ANKS6: variants seen among roughly 807,000 people sequenced by gnomAD.
ANKS6 encodes the protein ankyrin repeat and sterile alpha motif domain containing 6.
In ANKS6, 47 loss-of-function variants were observed where a neutral mutation model predicts 77.9. The observed-to-expected ratio is 0.60, with a 90% confidence interval of 0.48 to 0.77. ANKS6 has a LOEUF of 0.77. ANKS6 is among the 30% of genes least tolerant of loss of function. ANKS6 has a pLI of 0.00. For synonymous variants in ANKS6, 488 were observed against 501.7 expected (o/e 0.97, Z 0.37); for missense variants, 1,150 against 1,159.1 (o/e 0.99, Z 0.11).
At position 98,773,771 on chromosome 9, in the gene ANKS6, T is replaced by C. The variant is rs111860151; in HGVS notation, c.1821+106A>G. ...TCATCCATTCAAAAGAAAAAAAAAG[T>C]TGCAACCCCTCTGGATTCGTCGGTT... On this transcript the variant is annotated intron_variant, in intron 9 of 14. Coordinates refer to ENST00000353234, the MANE Select transcript of ANKS6 (RefSeq NM_173551.5). 29 of 1,065,256 alleles carry C rather than the reference T, an allele frequency of 2.7e-5. No individual in the cohort carries two copies. In the African/African-American group the frequency reaches 3.1e-4, roughly 11 times the overall value. The allele number at this position is 1,065,256 out of a possible 1,614,324, so 66.0% of individuals were successfully genotyped here. A position where few individuals can be genotyped will look rare whatever the true frequency, so the allele number is the denominator to read the frequency against.
At chr9:98,749,316 G>A (rs1832305406) in intron 13 of ANKS6, among the ~76,000 whole-genome samples, 1 of 152,154 alleles carries the variant, frequency 6.6e-6, no homozygotes, top group East Asian at 1.9e-4. Flanking sequence ...ACTGCCTCAG[G>A]CCCCAGCTCC....
At chr9:98,753,622 A>AG (rs1281690014) in intron 12 of ANKS6, among the ~76,000 whole-genome samples, 1 of 148,116 alleles carries the variant, frequency 6.8e-6, no homozygotes, top group African/African-American at 2.5e-5. Context: ...CCCTATCTCA[A>AG]AAAAAAAAAA....
At chr9:98,789,428 T>TAAAAAAAAA (rs11437180) in intron 2 of ANKS6, among the ~76,000 whole-genome samples, 1 of 129,994 alleles carries the variant, frequency 7.7e-6, no homozygotes, top group Non-Finnish European at 1.6e-5. Flanking sequence ...GGCAAGAAGT[T>TAAAAAAAAA]AAAAAAAAAA....
At chr9:98,789,024 A>G (rs1402076377) in intron 2 of ANKS6, among the ~76,000 whole-genome samples, 1 of 148,992 alleles carries the variant, frequency 6.7e-6, no homozygotes, top group East Asian at 2.0e-4. Flanking sequence ...TTCTGATTGG[A>G]TGGTGTATTT....
rs75690065 is a variant in ANKS6, at chr9:98,736,320, G to C, written c.*199C>G. On this transcript the variant is annotated 3_prime_UTR_variant, in exon 15 of 15. Transcript: ENST00000353234. Reference sequence around the variant, plus strand: ...GCACCCCCACTGGACTGTTACATGGGAATCTGTCTCTGTGTGTTGAAGTTT... The same window carrying C: ...GCACCCCCACTGGACTGTTACATGGCAATCTGTCTCTGTGTGTTGAAGTTT... 4 of 1,411,296 alleles carry C rather than the reference G, an allele frequency of 2.8e-6. No individual in the cohort carries two copies. Among genetic ancestry groups the C allele is most frequent in the Middle Eastern group, 2.6e-4 (1 of 3,832 alleles). The allele number at this position is 1,411,296 out of a possible 1,614,324, so 87.4% of individuals were successfully genotyped here. A position where few individuals can be genotyped will look rare whatever the true frequency, so the allele number is the denominator to read the frequency against.
intron 11 of ANKS6, among the ~76,000 whole-genome samples, chr9:98,760,863 TCA>T (rs1412825564): frequency 2.0e-5 from 3 of 152,246 alleles, no homozygotes; most frequent in Non-Finnish European, 4.4e-5. Context: ...ATGTAAAGGT[TCA>T]CAGATTTTTG....
chr9:98,772,856 C>A (rs887009270), intron 9 of ANKS6, among the ~76,000 whole-genome samples: 1 of 152,220 alleles, frequency 6.6e-6, no homozygotes, highest in Non-Finnish European at 1.5e-5. Flanking sequence ...CTCTGGCGCT[C>A]CCACACTCCT....
At chr9:98,741,692 C>T (rs1588319703) in intron 14 of ANKS6, among the ~76,000 whole-genome samples, 1 of 152,194 alleles carries the variant, frequency 6.6e-6, no homozygotes, top group East Asian at 1.9e-4. Flanking sequence ...AACTAACAAA[C>T]TAATGAGCAG....
chr9:98,767,752 A>T (rs1001314534), intron 11 of ANKS6, among the ~76,000 whole-genome samples: 4 of 152,264 alleles, frequency 2.6e-5, no homozygotes, highest in African/African-American at 9.6e-5. Context: ...TTGCTCCTCA[A>T]CTCATGCTCT....
intron 13 of ANKS6, among the ~76,000 whole-genome samples, chr9:98,747,285 A>G (rs1832190714): frequency 6.6e-6 from 1 of 152,132 alleles, no homozygotes; most frequent in Non-Finnish European, 1.5e-5. Context: ...TTTTCTTTAA[A>G]ACATTTGATT....
In ANKS6 at chr9:98,732,896, G is replaced by T. The variant is rs1261131063; in HGVS notation, c.*3623C>A. 1.8e-6 allele frequency: 2 copies of T among 1,109,414 alleles called. No individual in the cohort carries two copies. Among genetic ancestry groups the T allele is most frequent in the Non-Finnish European group, 2.2e-6 (2 of 906,736 alleles). 68.7% of individuals were successfully genotyped at this position (1,109,414 alleles called of 1,614,324 possible). A position where few individuals can be genotyped will look rare whatever the true frequency, so the allele number is the denominator to read the frequency against. ...TGACGATCTAGAACTTACACATTAC[G>T]TGCTGCCTTTGCACATGCCCCAGCT... On this transcript the variant is annotated 3_prime_UTR_variant, in exon 15 of 15. Transcript: ENST00000353234.
chr9:98,772,162 T>C (rs1172673268), intron 9 of ANKS6, among the ~76,000 whole-genome samples: 1 of 152,202 alleles, frequency 6.6e-6, no homozygotes, highest in African/African-American at 2.4e-5. Context: ...TTACCTAAGA[T>C]GTGCCCAAGT....
At chr9:98,769,293 C>A (rs1236324196) in intron 10 of ANKS6, among the ~76,000 whole-genome samples, 2 of 152,012 alleles carry the variant, frequency 1.3e-5, no homozygotes, top group Non-Finnish European at 2.9e-5. Flanking sequence ...TTCTGGAGGG[C>A]AAAACATATC....
Position 98,734,865 on chromosome 9 carries a change from C to G in ANKS6, c.*1654G>C. 1.0e-6 allele frequency: 1 copy of G among 985,462 alleles called. No homozygotes were observed. 61.0% of individuals were successfully genotyped at this position (985,462 alleles called of 1,614,324 possible). The stretch of plus-strand genomic sequence containing the variant: ...CTATCAGTAACAGCTAAATGAAACA[C>G]TTTGTCTTCAGTCCTGTGGAAAGTT... On this transcript the variant is annotated 3_prime_UTR_variant, in exon 15 of 15. Coordinates refer to ENST00000353234, the MANE Select transcript of ANKS6 (RefSeq NM_173551.5).
chr9:98,734,906 A>T lies in ANKS6; in HGVS notation c.*1613T>A. On this transcript the variant is annotated 3_prime_UTR_variant, in exon 15 of 15. Transcript: ENST00000353234. ...GTGGAAAGTTGGCTTCTGTGAGTGT[A>T]AGGCTGAGAGAATTTAAAGGAAAAA... is the stretch of plus-strand genomic sequence containing the variant. 3 of 985,474 alleles carry T rather than the reference A, an allele frequency of 3.0e-6. No homozygotes were observed. The highest frequency in any genetic ancestry group is 3.6e-6 in the Non-Finnish European group (3 of 829,960). 61.0% of individuals were successfully genotyped at this position (985,474 alleles called of 1,614,324 possible).
intron 10 of ANKS6, among the ~76,000 whole-genome samples, chr9:98,770,178 G>A (rs1833543354): frequency 6.6e-6 from 1 of 152,180 alleles, no homozygotes; most frequent in Non-Finnish European, 1.5e-5. Flanking sequence ...CATGAGATCT[G>A]ATGGTTTTAT....
At chr9:98,772,213 G>C (rs975033527) in intron 9 of ANKS6, among the ~76,000 whole-genome samples, 1 of 152,200 alleles carries the variant, frequency 6.6e-6, no homozygotes, top group African/African-American at 2.4e-5. Context: ...GATTATCCAG[G>C]TGGGCTCTAA....
Position 98,782,607 on chromosome 9 carries a change from AGCAAAGGCATGGCTTTGCTCCTGG to A in ANKS6, c.1113-58_1113-35del, listed in dbSNP as rs746341384. On this transcript the variant is annotated intron_variant, in intron 4 of 14. Coordinates refer to ENST00000353234, the MANE Select transcript of ANKS6 (RefSeq NM_173551.5). ...AAATGCTAGAGTTACATTCACTGAAAGCAAAGGCATGGCTTTGCTCCTGGGCAACAAAACCAACATTAACTACAA... is the reference window on the plus strand; with the variant it reads ...AAATGCTAGAGTTACATTCACTGAAAGCAACAAAACCAACATTAACTACAA... The A allele has an allele frequency of 1.3e-5, 20 of 1,569,320 alleles. No homozygotes were observed. In the Admixed American group the frequency reaches 2.2e-4, roughly 17 times the overall value.
Position 98,784,106 on chromosome 9 carries a change from T to A in ANKS6, c.959A>T (p.Asn320Ile). ...EIADEDPSHVNLVNGDGATPL... is the reference protein window; with the variant it reads ...EIADEDPSHVILVNGDGATPL... ...CGTCGCCCCGTCCCCATTGACCAAG[T>A]TCACGTGGCTGGGGTCTTCATCGGC... is the stretch of plus-strand genomic sequence containing the variant. Residue 320 changes from asparagine to isoleucine, a missense_variant, in exon 4 of 15, where the codon AAC becomes ATC. Transcript: ENST00000353234. 6.3e-7 allele frequency: 1 copy of A among 1,580,114 alleles called. No individual in the cohort carries two copies. Among genetic ancestry groups the A allele is most frequent in the Non-Finnish European group, 8.6e-7 (1 of 1,159,354 alleles).
Sources: gnomAD v4.1 joint callset for allele counts (sites outside exome capture counted in the v4.1 genomes callset) on GRCh38, gnomAD v4.1.1 for gene constraint, MANE v1.5 for transcripts, NCBI Gene and HGNC (gene_info 2026-07-23, HGNC 2026-07-21) for gene names.